COL8A2: variants seen among roughly 807,000 people sequenced by gnomAD.
COL8A2 encodes the protein collagen type VIII alpha 2 chain.
COL8A2 carries 16 observed loss-of-function variants against 24.0 expected under a neutral mutation model. That is an observed-to-expected ratio of 0.67 (90% confidence interval 0.45 to 1.01). The LOEUF is 1.01. Ranked by LOEUF, COL8A2 falls within the 50% of genes least tolerant of loss-of-function variation. COL8A2 has a pLI of 0.00. For synonymous variants in COL8A2, 466 were observed against 424.5 expected (o/e 1.10, Z -1.20); for missense variants, 818 against 942.4 (o/e 0.87, Z 1.73).
intron 1 of COL8A2, among the ~76,000 whole-genome samples, chr1:36,116,605 A>G (rs1643880924): frequency 6.6e-6 from 1 of 152,260 alleles, no homozygotes; most frequent in African/African-American, 2.4e-5. Flanking sequence ...GGGAGCATGA[A>G]GCAGGGAATA....
chr1:36,105,119 G>T (rs1444458708), intron 2 of COL8A2, among the ~76,000 whole-genome samples: 2 of 152,100 alleles, frequency 1.3e-5, no homozygotes, highest in East Asian at 3.9e-4. Context: ...TGGGCTTGAG[G>T]TCCCTGCTCC....
At chr1:36,105,748 G>A (rs1377036781) in intron 2 of COL8A2, among the ~76,000 whole-genome samples, 1 of 151,870 alleles carries the variant, frequency 6.6e-6, no homozygotes, top group African/African-American at 2.4e-5. Flanking sequence ...AGGACTTTGA[G>A]ATCACTCTGG....
intron 2 of COL8A2, among the ~76,000 whole-genome samples, chr1:36,113,903 G>T (rs575203607): frequency 6.6e-6 from 1 of 152,124 alleles, no homozygotes; most frequent in Non-Finnish European, 1.5e-5. Flanking sequence ...ATGGTGGGAC[G>T]GTCCAAGCTG....
Position 36,116,943 on chromosome 1 carries a change from G to A in COL8A2, c.-61-1191C>T, listed in dbSNP as rs140726861. ...GTGGTGCCAGGATCTAACAAAAGTC[G>A]TAGTCCAGGTCACATAGCTGTACGC... On this transcript the variant is annotated intron_variant, in intron 1 of 3. Coordinates refer to ENST00000397799, the MANE Select transcript of COL8A2 (RefSeq NM_005202.4). 8.2e-4 allele frequency among the ~76,000 whole-genome samples: 125 copies of A among 152,326 alleles called. 1 individual carries two copies. In the Middle Eastern group the frequency reaches 0.017, roughly 21 times the overall value.
chr1:36,106,800 T>A (rs2124089419), intron 2 of COL8A2, among the ~76,000 whole-genome samples: 1 of 150,590 alleles, frequency 6.6e-6, no homozygotes, highest in Non-Finnish European at 1.5e-5. Flanking sequence ...GTAATGGGGG[T>A]CCTCCAGCAA....
chr1:36,115,303 G>A lies in COL8A2; in HGVS notation c.-17+405C>T, dbSNP rs754926866. Among the ~76,000 whole-genome samples the A allele has an allele frequency of 3.3e-5, 5 of 152,134 alleles. No homozygotes were observed. Among genetic ancestry groups the A allele is most frequent in the Non-Finnish European group, 7.4e-5 (5 of 68,020 alleles). ...TGCAGCCTTTTCCGGAGCGCCACCC[G>A]CCACCCGCTGCCTCCCCACGCCTGC... On this transcript the variant is annotated intron_variant, in intron 2 of 3. Coordinates refer to ENST00000397799, the MANE Select transcript of COL8A2 (RefSeq NM_005202.4). This position sits in a 1 kb window ranked among gnomAD's most constrained non-coding sequence, Gnocchi z 5.7.
Position 36,125,114 on chromosome 1 carries a change from G to A in COL8A2, c.-119C>T. The A allele has an allele frequency of 1.0e-6, 1 of 960,884 alleles. No individual in the cohort carries two copies. The highest frequency in any genetic ancestry group is 1.2e-6 in the Non-Finnish European group (1 of 809,768). The allele number at this position is 960,884 out of a possible 1,614,324, so 59.5% of individuals were successfully genotyped here. A position where few individuals can be genotyped will look rare whatever the true frequency, so the allele number is the denominator to read the frequency against. On this transcript the variant is annotated 5_prime_UTR_variant, in exon 1 of 4. Coordinates refer to ENST00000397799, the MANE Select transcript of COL8A2 (RefSeq NM_005202.4). The surrounding 1 kb of genome is among the most constrained non-coding windows in gnomAD (Gnocchi z 4.5). ...CCCTCGAGGGCGGCCCGGGCGGCGAGGGCTCCGGGCAGGGGCGTCCGCGGC... is the reference window on the plus strand; with the variant it reads ...CCCTCGAGGGCGGCCCGGGCGGCGAAGGCTCCGGGCAGGGGCGTCCGCGGC...
intron 2 of COL8A2, among the ~76,000 whole-genome samples, chr1:36,114,315 T>A (rs1289551128): frequency 1.7e-5 from 1 of 59,140 alleles, no homozygotes; most frequent in Admixed American, 2.0e-4. Flanking sequence ...CGAGACTCCA[T>A]CTCAAAAAAA....
At chr1:36,122,229 C>G (rs1643919202) in intron 1 of COL8A2, among the ~76,000 whole-genome samples, 1 of 152,188 alleles carries the variant, frequency 6.6e-6, no homozygotes, top group African/African-American at 2.4e-5. Context: ...ACCAGTACAG[C>G]ATTCCCATTT....
At position 36,097,994 on chromosome 1, in the gene COL8A2, G is replaced by C; in HGVS notation, c.1687C>G (p.Gln563Glu). Residue 563 changes from glutamine to glutamate, a missense_variant, in exon 4 of 4, where the codon CAG (glutamine) becomes GAG (glutamate). Physicochemically the swap from Gln to Glu is conservative, Grantham distance 29. Transcript: ENST00000397799. ...GAVLGKGGKP[Q>E]FGLGELSAHA... Reference sequence around the variant, plus strand: ...GCAGACAGCTCGCCCAGCCCAAACTGTGGCTTGCCCCCCTTGCCCAGCACG... The same window carrying C: ...GCAGACAGCTCGCCCAGCCCAAACTCTGGCTTGCCCCCCTTGCCCAGCACG... The C allele has an allele frequency of 6.2e-7, 1 of 1,603,320 alleles. No individual in the cohort carries two copies. Among genetic ancestry groups the C allele is most frequent in the Non-Finnish European group, 8.5e-7 (1 of 1,177,944 alleles).
chr1:36,118,679 C>T (rs572658451), intron 1 of COL8A2, among the ~76,000 whole-genome samples: 7 of 151,248 alleles, frequency 4.6e-5, no homozygotes, highest in African/African-American at 1.2e-4. Context: ...CTGCACCCCC[C>T]GCCCCCCACC....
In COL8A2 at chr1:36,097,977, C is replaced by T. The variant is rs938833154; in HGVS notation, c.1704G>A (p.Glu568=). The T allele has an allele frequency of 6.2e-7, 1 of 1,605,838 alleles. No homozygotes were observed. The highest frequency in any genetic ancestry group is 8.5e-7 in the Non-Finnish European group (1 of 1,178,476). ...KGGKPQFGLG[E]LSAHATPAFT... is the part of the protein sequence containing the mutation. Reference sequence around the variant, plus strand: ...AGGCCGGTGTGGCATGGGCAGACAGCTCGCCCAGCCCAAACTGTGGCTTGC... The same window carrying T: ...AGGCCGGTGTGGCATGGGCAGACAGTTCGCCCAGCCCAAACTGTGGCTTGC... The change falls in exon 4 of 4, where the codon GAG becomes GAA. Residue 568 remains glutamate, a synonymous_variant. Coordinates refer to ENST00000397799, the MANE Select transcript of COL8A2 (RefSeq NM_005202.4).
chr1:36,123,426 A>G lies in COL8A2; in HGVS notation c.-62+1631T>C, dbSNP rs1261273430. Among the ~76,000 whole-genome samples, 1 of 152,200 alleles carries G rather than the reference A, an allele frequency of 6.6e-6. No homozygotes were observed. Among genetic ancestry groups the G allele is most frequent in the Non-Finnish European group, 1.5e-5 (1 of 68,042 alleles). The stretch of plus-strand genomic sequence containing the variant: ...TCTTTCTCCTCCCTCTTGCTAACAG[A>G]CACATTCACTTCCATATTTTCTTTC... On this transcript the variant is annotated intron_variant, in intron 1 of 3. Transcript: ENST00000397799. The surrounding 1 kb of genome is among the most constrained non-coding windows in gnomAD (Gnocchi z 4.1).
Position 36,100,030 on chromosome 1 carries a change from T to C in COL8A2, c.193+20A>G. 1 of 1,604,418 alleles carries C rather than the reference T, an allele frequency of 6.2e-7. No individual in the cohort carries two copies. The highest frequency in any genetic ancestry group is 8.5e-7 in the Non-Finnish European group (1 of 1,172,034). ...GGGCTGGGAGCGATTTGAGGCACTG[T>C]GGGGTGAGGAGGCTCTCACCCAGGT... On this transcript the variant is annotated intron_variant, in intron 3 of 3. Coordinates refer to ENST00000397799, the MANE Select transcript of COL8A2 (RefSeq NM_005202.4).
rs1194919383 is a variant in COL8A2, at chr1:36,098,746, G to A, written c.935C>T (p.Pro312Leu). ...GTRGPPGLIG[P>L]TGYGMPGLPG... ...CAGTCCTGGCATCCCATAGCCAGTGGGGCCTATCAGCCCAGGGGGGCCCCG... is the reference window on the plus strand; with the variant it reads ...CAGTCCTGGCATCCCATAGCCAGTGAGGCCTATCAGCCCAGGGGGGCCCCG... Residue 312 changes from proline to leucine, a missense_variant, in exon 4 of 4, where the codon CCC becomes CTC. By Grantham distance (98) the Pro-to-Leu change is moderately conservative (BLOSUM62 -3). This residue lies in a region of COL8A2 where 573 missense variants were observed against 616.8 expected (regional missense o/e 0.93). Transcript: ENST00000397799. 1.9e-6 allele frequency: 3 copies of A among 1,611,562 alleles called. No individual in the cohort carries two copies. Among genetic ancestry groups the A allele is most frequent in the East Asian group, 4.5e-5 (2 of 44,820 alleles).
chr1:36,116,061 A>G (rs1303175752), intron 1 of COL8A2, among the ~76,000 whole-genome samples: 1 of 150,122 alleles, frequency 6.7e-6, no homozygotes, highest in Non-Finnish European at 1.5e-5. Flanking sequence ...TCTGTCTCAA[A>G]AAAAAAAAAA....
chr1:36,105,173 G>A (rs1229177341), intron 2 of COL8A2, among the ~76,000 whole-genome samples: 1 of 152,078 alleles, frequency 6.6e-6, no homozygotes, highest in East Asian at 1.9e-4. Flanking sequence ...ATTAATGCAG[G>A]GCTCCAGAGA....
Position 36,098,980 on chromosome 1 carries a change from G to C in COL8A2, c.701C>G (p.Ala234Gly), listed in dbSNP as rs1483957271. 1.9e-6 allele frequency: 3 copies of C among 1,604,584 alleles called. No individual in the cohort carries two copies. The highest frequency in any genetic ancestry group is 2.2e-5 in the South Asian group (2 of 90,844). The stretch of plus-strand genomic sequence containing the variant: ...ATCCAAACCAGGTTTGCCTAAGCCA[G>C]CTGGACCAGGGAGGCCGGGGGGGCC... The part of the protein sequence containing the change: ...APGPPGLPGP[A>G]GLGKPGLDGL... Residue 234 changes from alanine (A) to glycine (G), a missense_variant, in exon 4 of 4, where the codon GCT becomes GGT. By Grantham distance (60) the Ala-to-Gly change is moderately conservative. Coordinates refer to ENST00000397799, the MANE Select transcript of COL8A2 (RefSeq NM_005202.4).
chr1:36,115,663 T>A lies in COL8A2; in HGVS notation c.-17+45A>T. 1 of 972,232 alleles carries A rather than the reference T, an allele frequency of 1.0e-6. No individual in the cohort carries two copies. Among genetic ancestry groups the A allele is most frequent in the Non-Finnish European group, 1.2e-6 (1 of 818,076 alleles). 60.2% of individuals were successfully genotyped at this position (972,232 alleles called of 1,614,324 possible). A position where few individuals can be genotyped will look rare whatever the true frequency, so the allele number is the denominator to read the frequency against. ...TAGACAGCAATGAACACAGGCCTCA[T>A]CTGGCCTGAGATATCAGAAAACCCC... On this transcript the variant is annotated intron_variant, in intron 2 of 3. Transcript: ENST00000397799. The surrounding 1 kb of genome is among the most constrained non-coding windows in gnomAD (Gnocchi z 5.7).
Sources: gnomAD v4.1 joint callset for allele counts (sites outside exome capture counted in the v4.1 genomes callset) on GRCh38, gnomAD v4.1.1 for gene constraint, gnomAD v4.1.1 regional missense constraint, Gnocchi (gnomAD v3.1) non-coding constraint, MANE v1.5 for transcripts, NCBI Gene and HGNC (gene_info 2026-07-23, HGNC 2026-07-21) for gene names.